Variants in XIRP2 observed in about 807,000 individuals in gnomAD.
XIRP2 encodes the protein xin actin-binding repeat-containing protein 2.
XIRP2 carries 236 observed loss-of-function variants against 277.0 expected under a neutral mutation model. The ratio of observed to expected loss-of-function variants is 0.85; its 90% CI spans 0.77 to 0.95. The LOEUF (loss-of-function observed/expected upper bound fraction) is 0.95, where lower values mean the gene tolerates loss of function less well. Ranked by LOEUF, XIRP2 falls within the 40% of genes least tolerant of loss-of-function variation. The pLI, the probability that XIRP2 is intolerant of heterozygous loss-of-function variation, is 0.00. For missense variants in XIRP2, 4,640 were observed against 4,157.5 expected (o/e 1.12, Z -3.19); for synonymous variants, 1,490 against 1,416.5 (o/e 1.05, Z -1.17).
intron 2 of XIRP2, among the ~76,000 whole-genome samples, chr2:167,085,209 T>C: frequency 6.6e-6 from 1 of 151,366 alleles, no homozygotes; most frequent in Non-Finnish European, 1.5e-5. Context: ...TACCCAGTAG[T>C]CATTCAGGAG....
chr2:166,902,188 A>G (rs1210505756), intron 1 of XIRP2, among the ~76,000 whole-genome samples: 1 of 152,154 alleles, frequency 6.6e-6, no homozygotes, highest in Non-Finnish European at 1.5e-5. Context: ...ACATCATTAC[A>G]TCAATTTAGT....
At position 167,247,367 on chromosome 2, in the gene XIRP2, G is replaced by A. The variant is rs1246434443; in HGVS notation, c.5975G>A (p.Gly1992Glu). 6.2e-7 allele frequency: 1 copy of A among 1,613,712 alleles called. No individual in the cohort carries two copies. The highest frequency in any genetic ancestry group is 1.7e-4 in the Middle Eastern group (1 of 6,058). Residue 1992 changes from glycine to glutamate, a missense_variant, in exon 9 of 11, where the codon GGG becomes GAG. Coordinates refer to ENST00000409195, the MANE Select transcript of XIRP2 (RefSeq NM_152381.6). ...TTTGAGCCAGCGGCCAAGTGGCAAG[G>A]GGGAGCAGATACTCTCAGTCAAACT... is the stretch of plus-strand genomic sequence containing the variant. ...GPFEPAAKWQ[G>E]GADTLSQTMG...
At chr2:167,051,512 T>A (rs1688913454) in intron 2 of XIRP2, among the ~76,000 whole-genome samples, 1 of 152,116 alleles carries the variant, frequency 6.6e-6, no homozygotes, top group Admixed American at 6.6e-5. Flanking sequence ...GTGACATAGG[T>A]AATGTAATAA....
At chr2:166,919,002 G>A (rs542160396) in intron 2 of XIRP2, among the ~76,000 whole-genome samples, 2 of 151,966 alleles carry the variant, frequency 1.3e-5, no homozygotes, top group Non-Finnish European at 2.9e-5. Context: ...AATACTTAAC[G>A]TAATGTGCAG....
rs112115299 is a variant in XIRP2, at chr2:167,240,503, G to A, written c.970-161G>A. ...AATTCAAATATATTCTTTTATAAGC[G>A]AATCTATGTATTAAAATAAATGATA... is the stretch of plus-strand genomic sequence containing the variant. On this transcript the variant is annotated intron_variant, in intron 6 of 10. Transcript: ENST00000409195. Among the ~76,000 whole-genome samples, 153 of 152,144 alleles carry A rather than the reference G, an allele frequency of 1.0e-3. 1 individual carries two copies. The highest frequency in any genetic ancestry group is 3.3e-3 in the African/African-American group (138 of 41,530).
rs1686040106 is a variant in XIRP2, at chr2:166,951,781, C to T, written c.408+47891C>T. On this transcript the variant is annotated intron_variant, in intron 2 of 10. Transcript: ENST00000409195. The stretch of plus-strand genomic sequence containing the variant: ...CTACTCTCATCTTCTGCAATCTTTA[C>T]CCATGAATTCTAAGCTTCAGCTACA... Among the ~76,000 whole-genome samples the T allele has an allele frequency of 4.6e-5, 7 of 151,972 alleles. 1 individual carries two copies. The South Asian group carries it at 1.5e-3, about 31-fold the overall frequency.
chr2:167,008,337 G>T (rs1172398872), intron 2 of XIRP2, among the ~76,000 whole-genome samples: 1 of 151,526 alleles, frequency 6.6e-6, no homozygotes, highest in East Asian at 1.9e-4. Flanking sequence ...AGAATACTAA[G>T]CTGGTCTCTC....
At chr2:167,050,421 T>C (rs1248953651) in intron 2 of XIRP2, among the ~76,000 whole-genome samples, 1 of 152,126 alleles carries the variant, frequency 6.6e-6, no homozygotes, top group African/African-American at 2.4e-5. Context: ...GTTAGCACTA[T>C]TGCTTATCCA....
At chr2:167,058,283 C>T (rs1021376506) in intron 2 of XIRP2, among the ~76,000 whole-genome samples, 3 of 151,818 alleles carry the variant, frequency 2.0e-5, no homozygotes, top group African/African-American at 7.3e-5. Flanking sequence ...GACGGGGTTT[C>T]GCCATGTTCC....
intron 2 of XIRP2, among the ~76,000 whole-genome samples, chr2:167,096,076 G>C (rs1405973636): frequency 7.4e-6 from 1 of 135,620 alleles, no homozygotes; most frequent in African/African-American, 3.4e-5. Context: ...GATTTCACTG[G>C]AAGTCCCTCT....
chr2:167,128,733 C>T (rs902828281), intron 2 of XIRP2, among the ~76,000 whole-genome samples: 7 of 137,608 alleles, frequency 5.1e-5, no homozygotes, highest in Non-Finnish European at 1.1e-4. Flanking sequence ...GACCACATCT[C>T]CCCAGAATCC....
At chr2:167,226,493 G>C (rs1694606592) in intron 5 of XIRP2, among the ~76,000 whole-genome samples, 1 of 152,156 alleles carries the variant, frequency 6.6e-6, no homozygotes, top group South Asian at 2.1e-4. Context: ...ACTGCATTTA[G>C]AACTGCCTAG....
intron 3 of XIRP2, among the ~76,000 whole-genome samples, chr2:167,166,764 C>G (rs1013730993): frequency 6.6e-6 from 1 of 152,076 alleles, no homozygotes; most frequent in Non-Finnish European, 1.5e-5. Flanking sequence ...AGGGATCTGC[C>G]CCGATGATCC....
intron 3 of XIRP2, among the ~76,000 whole-genome samples, chr2:167,184,984 T>C (rs1333086802): frequency 6.6e-6 from 1 of 152,144 alleles, no homozygotes; most frequent in African/African-American, 2.4e-5. Flanking sequence ...CTATCATGCA[T>C]CCATCCATCT....
At chr2:167,010,985 G>C (rs1215072592) in intron 2 of XIRP2, among the ~76,000 whole-genome samples, 1 of 152,060 alleles carries the variant, frequency 6.6e-6, no homozygotes, top group African/African-American at 2.4e-5. Flanking sequence ...ACACAATGGG[G>C]TTTTCTAGAT....
chr2:166,987,399 C>T (rs1399976722), intron 2 of XIRP2, among the ~76,000 whole-genome samples: 5 of 152,180 alleles, frequency 3.3e-5, no homozygotes, highest in African/African-American at 1.2e-4. Flanking sequence ...AACAAGACAA[C>T]AGCATCCAGG....
chr2:166,972,663 A>G (rs1427374473), intron 2 of XIRP2, among the ~76,000 whole-genome samples: 1 of 152,160 alleles, frequency 6.6e-6, no homozygotes, highest in Non-Finnish European at 1.5e-5. Flanking sequence ...TTAAATAGTA[A>G]AGCAGTTATT....
chr2:167,084,259 A>G (rs1689850319), intron 2 of XIRP2, among the ~76,000 whole-genome samples: 1 of 152,166 alleles, frequency 6.6e-6, no homozygotes. Context: ...ATTTGCGTAT[A>G]TTGAACCAGC....
chr2:166,933,390 CA>C (rs1204445594), intron 2 of XIRP2, among the ~76,000 whole-genome samples: 2 of 151,972 alleles, frequency 1.3e-5, no homozygotes, highest in East Asian at 3.9e-4. Flanking sequence ...CCTCGTGATC[CA>C]CCCCGTCTCG....
Sources: gnomAD v4.1 joint callset for allele counts (sites outside exome capture counted in the v4.1 genomes callset) on GRCh38, gnomAD v4.1.1 for gene constraint, MANE v1.5 for transcripts, NCBI Gene and HGNC (gene_info 2026-07-23, HGNC 2026-07-21) for gene names.